The following DHRS4L2 variants were observed in gnomAD, a reference collection of about 807,000 sequenced individuals.
DHRS4L2 encodes the protein dehydrogenase/reductase 4 like 2.
In DHRS4L2, 22 loss-of-function variants were observed where a neutral mutation model predicts 23.9. That is an observed-to-expected ratio of 0.92 (90% CI 0.66 to 1.31). DHRS4L2 has a LOEUF of 1.31. Among genes scored for constraint, DHRS4L2 ranks in the 40% most tolerant of loss-of-function variants. DHRS4L2 has a pLI of 0.00. For synonymous variants in DHRS4L2, 141 were observed against 123.7 expected, an observed-to-expected ratio of 1.14 and a Z score of -0.93; for missense variants, 385 against 303.3, an observed-to-expected ratio of 1.27 and a Z score of -2.00.
chr14:23,989,155 C>G (rs547980247), intron 1 of DHRS4L2, 80 bp downstream of exon 1: 1 of 1,529,308 alleles, frequency 6.5e-7, no homozygotes, highest in African/African-American at 1.4e-5. Flanking sequence ...CCTCCAGTGC[C>G]CCTGTCCTCA....
intron 1 of DHRS4L2, among the ~76,000 whole-genome samples, chr14:23,983,681 C>T (rs1442873236): frequency 6.6e-6 from 1 of 151,720 alleles, no homozygotes; most frequent in Admixed American, 6.6e-5. Flanking sequence ...CACATATACA[C>T]CATGGAATAC....
At position 23,990,786 on chromosome 14, in the gene DHRS4L2, G is replaced by A. The variant is rs1050982778; in HGVS notation, c.306+427G>A. ...TTTCCTGTGTTCAGAGCCTTACACAGGTTATCTCTAGACCTGACAACAACC... is the reference window on the plus strand; with the variant it reads ...TTTCCTGTGTTCAGAGCCTTACACAAGTTATCTCTAGACCTGACAACAACC... On this transcript the variant is annotated intron_variant, in intron 2 of 7. Coordinates refer to ENST00000335125, the MANE Select transcript of DHRS4L2 (RefSeq NM_198083.4). 9 of 465,352 alleles carry A rather than the reference G, an allele frequency of 1.9e-5. No homozygotes were observed. In the African/African-American group the frequency reaches 1.9e-4, roughly 10 times the overall value. The allele number at this position is 465,352 out of a possible 1,614,324, so 28.8% of individuals were successfully genotyped here. A position where few individuals can be genotyped will look rare whatever the true frequency, so the allele number is the denominator to read the frequency against.
At chr14:23,998,161 T>C (rs1368047391) in intron 3 of DHRS4L2, among the ~76,000 whole-genome samples, 1 of 151,984 alleles carries the variant, frequency 6.6e-6, no homozygotes, top group Admixed American at 6.5e-5. Flanking sequence ...GCAGTAGCCA[T>C]CAACGGTGAG....
At chr14:23,994,845 C>T (rs1393321848) in intron 2 of DHRS4L2, among the ~76,000 whole-genome samples, 187 bp from the exon 3 acceptor site, 4 of 151,674 alleles carry the variant, frequency 2.6e-5, no homozygotes, top group African/African-American at 7.3e-5. Flanking sequence ...GATAAGGTCT[C>T]GCTGCATGGC....
intron 2 of DHRS4L2, among the ~76,000 whole-genome samples, chr14:23,993,697 A>G (rs938760674): frequency 1.3e-5 from 2 of 151,684 alleles, no homozygotes; most frequent in Non-Finnish European, 2.9e-5. Flanking sequence ...TTCTCAATTT[A>G]AATTTCAGTT....
At chr14:24,001,947 C>T (rs1361743524) in intron 6 of DHRS4L2, among the ~76,000 whole-genome samples, 1 of 11,086 alleles carries the variant, frequency 9.0e-5, no homozygotes, top group African/African-American at 1.6e-3. Flanking sequence ...CCATTCTTCA[C>T]TTTCCTCTTC....
intron 7 of DHRS4L2, among the ~76,000 whole-genome samples, chr14:24,005,605 T>C (rs2034556978): frequency 6.6e-6 from 1 of 152,142 alleles, no homozygotes; most frequent in African/African-American, 2.4e-5. Flanking sequence ...ATTTTATCTA[T>C]ATAACTTTGG....
rs374580169 is a variant in DHRS4L2, at chr14:23,988,963, C to G, written c.16C>G (p.Leu6Val). ...GGTCTGATCCATGCAGATGGCCAGG[C>G]TGCTAGGCCTCTGTGCCTGGGCACG... MQMAR[L>V]LGLCAWARKS... Residue 6 changes from leucine to valine, a missense_variant, in exon 1 of 8, where the codon CTG becomes GTG. Physicochemically the swap from Leu to Val is conservative, Grantham distance 32. Coordinates refer to ENST00000335125, the MANE Select transcript of DHRS4L2 (RefSeq NM_198083.4). 17 of 1,612,092 alleles carry G rather than the reference C, an allele frequency of 1.1e-5. No homozygotes were observed. In the African/African-American group the frequency reaches 2.3e-4, roughly 22 times the overall value.
rs149489201 is a variant in DHRS4L2 at position 23,992,035 on chromosome 14, A to G, written c.306+1676A>G. 4.4e-4 allele frequency among the ~76,000 whole-genome samples: 67 copies of G among 151,728 alleles called. 3 individuals carry two copies. Among genetic ancestry groups the G allele is most frequent in the Middle Eastern group, 6.8e-3 (2 of 294 alleles). On this transcript the variant is annotated intron_variant, in intron 2 of 7. Transcript: ENST00000335125. Reference sequence around the variant, plus strand: ...CAGGCGTGAGCCACTGTGCCCGGCCATAGCTTCTTAAAAGGATACGTTAAG... The same window carrying G: ...CAGGCGTGAGCCACTGTGCCCGGCCGTAGCTTCTTAAAAGGATACGTTAAG...
chr14:23,989,396 A>G (rs764602421), intron 1 of DHRS4L2, among the ~76,000 whole-genome samples: 3 of 151,664 alleles, frequency 2.0e-5, no homozygotes, highest in African/African-American at 4.8e-5. Context: ...TGGAAATGCA[A>G]GGGAATCTGG....
At chr14:23,992,149 A>G (rs1020735984) in intron 2 of DHRS4L2, among the ~76,000 whole-genome samples, 9 of 151,680 alleles carry the variant, frequency 5.9e-5, no homozygotes, top group African/African-American at 2.2e-4. Flanking sequence ...AGCAAGAGAA[A>G]GATGGTTATT....
At position 23,993,968 on chromosome 14, in the gene DHRS4L2, C is replaced by A. The variant is rs533259846; in HGVS notation, c.307-1064C>A. On this transcript the variant is annotated intron_variant, in intron 2 of 7. Transcript: ENST00000335125. ...TGTGCCCTGAAAAAATCACTTCACC[C>A]CTCCCAAACACAGAATAAGCAGGCC... is the stretch of plus-strand genomic sequence containing the variant. 2.0e-5 allele frequency among the ~76,000 whole-genome samples: 3 copies of A among 151,726 alleles called. 1 individual carries two copies. The highest frequency in any genetic ancestry group is 7.2e-5 in the African/African-American group (3 of 41,402).
At chr14:23,985,912 C>T (rs561560486), upstream of DHRS4L2, among the ~76,000 whole-genome samples, 6 of 151,642 alleles carry the variant, frequency 4.0e-5, 1 homozygote, top group African/African-American at 1.4e-4. Flanking sequence ...CCATGTTGGT[C>T]AGGCTGGTCT....
intron 3 of DHRS4L2, among the ~76,000 whole-genome samples, chr14:23,999,094 G>T (rs2034435867): frequency 6.8e-6 from 1 of 147,272 alleles, no homozygotes; most frequent in Non-Finnish European, 1.5e-5. Flanking sequence ...GAAGGGCAGA[G>T]CAGTCAGAAC....
intron 3 of DHRS4L2, among the ~76,000 whole-genome samples, chr14:23,998,011 G>T (rs995258828): frequency 3.3e-5 from 5 of 151,824 alleles, no homozygotes; most frequent in Non-Finnish European, 7.4e-5. Context: ...AATTACCCCC[G>T]ATCCATGGGC....
intron 1 of DHRS4L2, 63 bp from the exon 2 acceptor site, chr14:23,990,119 C>T (rs1196291620): frequency 3.8e-6 from 6 of 1,596,822 alleles, no homozygotes; most frequent in Admixed American, 1.8e-5. Context: ...AACTTCAGAG[C>T]CCATGCTGTC....
upstream of DHRS4L2, among the ~76,000 whole-genome samples, chr14:23,986,372 G>A (rs766781742): frequency 6.6e-6 from 1 of 151,298 alleles, no homozygotes; most frequent in African/African-American, 2.4e-5. Context: ...GTGCAGGCAT[G>A]GGGAAGGGAT....
intron 2 of DHRS4L2, chr14:23,991,042 A>C (rs1167833256): frequency 2.0e-5 from 6 of 299,662 alleles, no homozygotes; most frequent in South Asian, 1.3e-4. Context: ...GCAACTATGA[A>C]GCATTCACAA....
Position 23,973,562 on chromosome 14 carries a change from A to C in DHRS4L2, c.-176+3230A>C, listed in dbSNP as rs201584520. ...CTCAAAGGGATGGAGGAAGATCTAC[A>C]AAACAAATGGAAAGCAAAAAAAAGC... On this transcript the variant is annotated intron_variant, in intron 1 of 5. Coordinates refer to the DHRS4L2 transcript ENST00000534993. Among the ~76,000 whole-genome samples, 7 of 152,004 alleles carry C rather than the reference A, an allele frequency of 4.6e-5. 1 individual carries two copies. The highest frequency in any genetic ancestry group is 4.2e-4 in the South Asian group (2 of 4,788).
Sources: gnomAD v4.1 joint callset for allele counts (sites outside exome capture counted in the v4.1 genomes callset) on GRCh38, gnomAD v4.1.1 for gene constraint, MANE v1.5 for transcripts, NCBI Gene and HGNC (gene_info 2026-07-23, HGNC 2026-07-21) for gene names.